The following NCEH1 variants were observed in gnomAD, a reference collection of about 807,000 sequenced individuals.
The protein encoded by NCEH1 is neutral cholesterol ester hydrolase 1.
A neutral mutation model predicts 25.4 loss-of-function variants in NCEH1; 9 were observed. That is an observed-to-expected ratio of 0.35 (90% CI 0.21 to 0.62). The LOEUF is 0.62. Ranked by LOEUF, NCEH1 falls within the 20% of genes least tolerant of loss-of-function variation. NCEH1 has a pLI of 0.72. For synonymous variants in NCEH1, 200 were observed against 199.8 expected, an observed-to-expected ratio of 1.00 and a Z score of -0.01; for missense variants, 412 against 501.1, an observed-to-expected ratio of 0.82 and a Z score of 1.70.
intron 4 of NCEH1, 38 bp from the exon 5 acceptor site, chr3:172,634,130 A>G (rs750109109): frequency 7.0e-6 from 11 of 1,580,300 alleles, no homozygotes; most frequent in South Asian, 1.2e-5. Flanking sequence ...TTCATTTTGC[A>G]TGCCTTCTTT....
At chr3:172,682,982 A>G (rs370482634) in intron 1 of NCEH1, among the ~76,000 whole-genome samples, 2 of 152,256 alleles carry the variant, frequency 1.3e-5, no homozygotes, top group African/African-American at 2.4e-5. Flanking sequence ...GCCACCAGCT[A>G]AGAAGTAGAA....
rs1428541390 is a variant in NCEH1, at chr3:172,703,504, A to C, written c.138+7343T>G. Among the ~76,000 whole-genome samples the C allele has an allele frequency of 2.1e-5, 3 of 143,188 alleles. No individual in the cohort carries two copies. The East Asian group carries it at 6.2e-4, about 29-fold the overall frequency. The allele number at this position is 143,188 out of a possible 152,430, so 93.9% of individuals were successfully genotyped here. A position where few individuals can be genotyped will look rare whatever the true frequency, so the allele number is the denominator to read the frequency against. On this transcript the variant is annotated intron_variant, in intron 1 of 4. Transcript: ENST00000475381. The stretch of plus-strand genomic sequence containing the variant: ...GATCGCACCATTGCATTCCCGCCTG[A>C]GTGACAGAGCAAGACTCTGTCTCAA...
chr3:172,692,502 T>C (rs932629088), intron 1 of NCEH1, among the ~76,000 whole-genome samples: 1 of 150,672 alleles, frequency 6.6e-6, no homozygotes, highest in Non-Finnish European at 1.5e-5. Flanking sequence ...GGACCACAGG[T>C]GCATGTCACC....
At position 172,652,920 on chromosome 3, in the gene NCEH1, G is replaced by T. The variant is rs147291299; in HGVS notation, c.139-4806C>A. On this transcript the variant is annotated intron_variant, in intron 1 of 4. Transcript: ENST00000475381. Reference sequence around the variant, plus strand: ...GGGTTTCACTATGTTGCCCAGGCTGGTCTTGAACTCCTGACCTGAAGTGAT... The same window carrying T: ...GGGTTTCACTATGTTGCCCAGGCTGTTCTTGAACTCCTGACCTGAAGTGAT... Among the ~76,000 whole-genome samples, 794 of 151,704 alleles carry T rather than the reference G, an allele frequency of 5.2e-3. 6 individuals are homozygous for T. The highest frequency in any genetic ancestry group is 0.019 in the African/African-American group (770 of 41,326).
At chr3:172,705,535 T>C (rs1713922837) in intron 1 of NCEH1, among the ~76,000 whole-genome samples, 1 of 152,196 alleles carries the variant, frequency 6.6e-6, no homozygotes, top group Non-Finnish European at 1.5e-5. Flanking sequence ...GTAAACTACA[T>C]GTTTGTAGGC....
chr3:172,699,495 G>A (rs1331553454), intron 1 of NCEH1, among the ~76,000 whole-genome samples: 2 of 152,164 alleles, frequency 1.3e-5, no homozygotes, highest in Admixed American at 6.5e-5. Context: ...GACTTGATTA[G>A]GCCAAATGTG....
intron 1 of NCEH1, among the ~76,000 whole-genome samples, chr3:172,708,428 T>C (rs564833729): frequency 1.3e-5 from 2 of 152,352 alleles, no homozygotes; most frequent in South Asian, 4.1e-4. Context: ...CAATCTCGAC[T>C]CAACGCAACC....
intron 3 of NCEH1, among the ~76,000 whole-genome samples, chr3:172,641,896 G>A (rs1716867397): frequency 6.6e-6 from 1 of 152,154 alleles, no homozygotes; most frequent in Non-Finnish European, 1.5e-5. Flanking sequence ...TCCTTTAAAC[G>A]AGGTAAGATC....
At chr3:172,648,362 G>A (rs1324564374) in intron 1 of NCEH1, among the ~76,000 whole-genome samples, 1 of 152,082 alleles carries the variant, frequency 6.6e-6, no homozygotes, top group Non-Finnish European at 1.5e-5. Flanking sequence ...CAATAACTAT[G>A]CTTGTTCATT....
intron 1 of NCEH1, among the ~76,000 whole-genome samples, chr3:172,671,131 C>T (rs1711589220): frequency 6.6e-6 from 1 of 152,168 alleles, no homozygotes; most frequent in Non-Finnish European, 1.5e-5. Context: ...TCAATCTTAG[C>T]AAGCAGCTTC....
At chr3:172,707,264 TC>T in intron 1 of NCEH1, among the ~76,000 whole-genome samples, 1 of 152,320 alleles carries the variant, frequency 6.6e-6, no homozygotes, top group Non-Finnish European at 1.5e-5. Context: ...TGCTGCCTGA[TC>T]ATCTAAATTA....
intron 1 of NCEH1, 109 bp downstream of exon 1, chr3:172,710,738 G>T: frequency 8.1e-7 from 1 of 1,240,044 alleles, no homozygotes; most frequent in Non-Finnish European, 1.1e-6. Flanking sequence ...CAGCCTCAAT[G>T]CATTAGGAAA....
intron 1 of NCEH1, among the ~76,000 whole-genome samples, chr3:172,658,200 A>T (rs947700178): frequency 1.3e-5 from 2 of 152,228 alleles, no homozygotes; most frequent in African/African-American, 4.8e-5. Flanking sequence ...CACCAGCACC[A>T]TGACAGTTTA....
intron 1 of NCEH1, among the ~76,000 whole-genome samples, chr3:172,662,859 C>CTTCT (rs532385084): frequency 0.48 from 72,821 of 150,988 alleles, 19,855 homozygotes; most frequent in African/African-American, 0.77. Flanking sequence ...TCTCTCTTTT[C>CTTCT]TTATTAGTCT....
In NCEH1 at chr3:172,643,351, T is replaced by A. The variant is rs199898026; in HGVS notation, c.437+2272A>T. 5.3e-5 allele frequency among the ~76,000 whole-genome samples: 8 copies of A among 152,112 alleles called. No homozygotes were observed. In the East Asian group the frequency reaches 1.2e-3, roughly 22 times the overall value. Reference sequence around the variant, plus strand: ...GCCTCTCAAGTAAGGCACACCACCATACCTCACTGTTTTCCCAGTAGCTCA... The same window carrying A: ...GCCTCTCAAGTAAGGCACACCACCAAACCTCACTGTTTTCCCAGTAGCTCA... On this transcript the variant is annotated intron_variant, in intron 3 of 4. Coordinates refer to ENST00000475381, the MANE Select transcript of NCEH1 (RefSeq NM_020792.6).
chr3:172,685,994 C>A (rs1712674074), intron 1 of NCEH1, among the ~76,000 whole-genome samples: 1 of 152,358 alleles, frequency 6.6e-6, no homozygotes, highest in Non-Finnish European at 1.5e-5. Context: ...GTTCTGAGAT[C>A]TGTGATTCAC....
chr3:172,653,860 G>C (rs566145772), intron 1 of NCEH1, among the ~76,000 whole-genome samples: 1 of 150,966 alleles, frequency 6.6e-6, no homozygotes, highest in African/African-American at 2.4e-5. Context: ...TGGTTCAAGC[G>C]ATTTTCCTGC....
rs183518845 is a variant in NCEH1 at position 172,710,952 on chromosome 3, C to G, written c.33G>C (p.Leu11=). ...AGACGTAATAGGCGGCCAGCGCCAC[C>G]AGGGCGGTGAGCAGGACACAGGACG... The part of the protein sequence containing the change: MRSSCVLLTA[L]VALAAYYVYI... The change falls in exon 1 of 5, where the codon CTG becomes CTC. Residue 11 remains leucine (L), a synonymous_variant. Transcript: ENST00000475381. 6.2e-7 allele frequency: 1 copy of G among 1,614,170 alleles called. No individual in the cohort carries two copies. Among genetic ancestry groups the G allele is most frequent in the Non-Finnish European group, 8.5e-7 (1 of 1,180,040 alleles).
chr3:172,666,575 C>T (rs767919872), intron 1 of NCEH1, among the ~76,000 whole-genome samples: 4 of 152,132 alleles, frequency 2.6e-5, no homozygotes, highest in Admixed American at 6.6e-5. Flanking sequence ...ACATGTGTGT[C>T]TGTGTCATTT....
Sources: gnomAD v4.1 joint callset for allele counts (sites outside exome capture counted in the v4.1 genomes callset) on GRCh38, gnomAD v4.1.1 for gene constraint, MANE v1.5 for transcripts, NCBI Gene and HGNC (gene_info 2026-07-23, HGNC 2026-07-21) for gene names.